FCER1A: variants seen among roughly 807,000 people sequenced by gnomAD.
FCER1A encodes high affinity immunoglobulin epsilon receptor subunit alpha.
Under a neutral mutation model 23.6 loss-of-function variants are expected in FCER1A, and 24 were observed. That is an observed-to-expected ratio of 1.02 (90% CI 0.74 to 1.43). The LOEUF (loss-of-function observed/expected upper bound fraction) is 1.43. Among genes scored for constraint, FCER1A ranks in the 40% most tolerant of loss-of-function variants. The pLI is 0.00. For synonymous variants in FCER1A, 121 were observed against 108.8 expected, an observed-to-expected ratio of 1.11 and a Z score of -0.70; for missense variants, 318 against 294.5, an observed-to-expected ratio of 1.08 and a Z score of -0.58.
intron 1 of FCER1A, among the ~76,000 whole-genome samples, chr1:159,295,354 T>C (rs1422299405): frequency 2.0e-5 from 3 of 152,108 alleles, no homozygotes; most frequent in Non-Finnish European, 4.4e-5. Flanking sequence ...CTAGATGCAG[T>C]TGTAAATTGC....
At chr1:159,299,686 G>A (rs1200483057), upstream of FCER1A, among the ~76,000 whole-genome samples, 1 of 152,082 alleles carries the variant, frequency 6.6e-6, no homozygotes, top group Non-Finnish European at 1.5e-5. Context: ...GTGAACGTGT[G>A]TTCCTGATGT....
At chr1:159,293,722 C>A (rs1652219925) in intron 1 of FCER1A, among the ~76,000 whole-genome samples, 1 of 151,956 alleles carries the variant, frequency 6.6e-6, no homozygotes, top group South Asian at 2.1e-4. Context: ...AGGACATGAA[C>A]TCATCACTTT....
upstream of FCER1A, among the ~76,000 whole-genome samples, chr1:159,286,397 G>A (rs745634027): frequency 3.8e-4 from 58 of 151,418 alleles, no homozygotes; most frequent in Non-Finnish European, 6.6e-4. Flanking sequence ...CAGTGGCGCA[G>A]TCTCGGCTCA....
chr1:159,285,119 G>T (rs1651983460), upstream of FCER1A, among the ~76,000 whole-genome samples: 1 of 152,106 alleles, frequency 6.6e-6, no homozygotes, highest in Non-Finnish European at 1.5e-5. Flanking sequence ...AGGGGAGATG[G>T]TCTTCTGTGT....
chr1:159,286,470 C>G (rs1260987140), upstream of FCER1A, among the ~76,000 whole-genome samples: 1 of 151,732 alleles, frequency 6.6e-6, no homozygotes, highest in Non-Finnish European at 1.5e-5. Flanking sequence ...GTAGCTGGGA[C>G]TACAGGCGCC....
chr1:159,307,406 C>T lies in FCER1A; in HGVS notation c.590-342C>T, dbSNP rs74453726. 5.7e-3 allele frequency among the ~76,000 whole-genome samples: 871 copies of T among 152,298 alleles called. 12 individuals are homozygous for T. Among genetic ancestry groups the T allele is most frequent in the African/African-American group, 0.02 (815 of 41,546 alleles). The stretch of plus-strand genomic sequence containing the variant: ...GTAATAGGCATTGATGACCCCTGTC[C>T]TCACTTTGTCCCCTTTCCACCCCTT... On this transcript the variant is annotated intron_variant, in intron 4 of 4. Transcript: ENST00000693622.
At chr1:159,305,777 G>A (rs565269796) in intron 3 of FCER1A, among the ~76,000 whole-genome samples, 2 of 152,276 alleles carry the variant, frequency 1.3e-5, no homozygotes, top group Admixed American at 6.5e-5. Flanking sequence ...GCCCCAGACT[G>A]ACTTTTCAGG....
chr1:159,307,989 T>C lies in FCER1A; in HGVS notation c.*57T>C, dbSNP rs185718654. Reference sequence around the variant, plus strand: ...GTTTTTTTCCAGCATCAGCAATTGCTACTCAATTGTCAAACACAGCTTGCA... The same window carrying C: ...GTTTTTTTCCAGCATCAGCAATTGCCACTCAATTGTCAAACACAGCTTGCA... On this transcript the variant is annotated 3_prime_UTR_variant, in exon 5 of 5. Transcript: ENST00000693622. 1,495 of 1,260,802 alleles carry C rather than the reference T, an allele frequency of 1.2e-3. 7 individuals carry two copies. The African/African-American group carries it at 0.019, about 16-fold the overall frequency. The allele number at this position is 1,260,802 out of a possible 1,614,324, so 78.1% of individuals were successfully genotyped here.
chr1:159,284,431 C>G, the FCER1A span, among the ~76,000 whole-genome samples: 1 of 152,216 alleles, frequency 6.6e-6, no homozygotes, highest in African/African-American at 2.4e-5. Context: ...CATACAGTCT[C>G]TGCACCCATG....
chr1:159,302,232 G>A (rs1652449135), upstream of FCER1A: 1 of 712,098 alleles, frequency 1.4e-6, no homozygotes, highest in South Asian at 1.7e-5. Flanking sequence ...AAAGAAAGAA[G>A]CAAAACCAGG....
upstream of FCER1A, among the ~76,000 whole-genome samples, chr1:159,301,282 T>A (rs1373324598): frequency 6.6e-6 from 1 of 152,198 alleles, no homozygotes; most frequent in East Asian, 1.9e-4. Flanking sequence ...CAAGCCACTA[T>A]AGACATTAAT....
intron 1 of FCER1A, among the ~76,000 whole-genome samples, chr1:159,295,409 T>C (rs890275186): frequency 6.6e-6 from 1 of 152,192 alleles, no homozygotes; most frequent in Non-Finnish European, 1.5e-5. Context: ...AGATGCAATT[T>C]TTGGTTATGA....
intron 1 of FCER1A, among the ~76,000 whole-genome samples, chr1:159,295,911 A>G (rs1571077502): frequency 1.3e-5 from 2 of 152,216 alleles, no homozygotes; most frequent in Admixed American, 1.3e-4. Flanking sequence ...ACTCCCAACA[A>G]TCAATAATAG....
chr1:159,296,277 T>G (rs554387442), intron 1 of FCER1A, among the ~76,000 whole-genome samples: 1 of 152,286 alleles, frequency 6.6e-6, no homozygotes, highest in African/African-American at 2.4e-5. Flanking sequence ...CTCTGCTACT[T>G]ACACACACAT....
Position 159,308,066 on chromosome 1 carries a change from C to A in FCER1A, c.*134C>A. The A allele has an allele frequency of 1.7e-6, 1 of 582,396 alleles. No individual in the cohort carries two copies. The highest frequency in any genetic ancestry group is 2.9e-6 in the Non-Finnish European group (1 of 345,446). The allele number at this position is 582,396 out of a possible 1,614,324, so 36.1% of individuals were successfully genotyped here. A position where few individuals can be genotyped will look rare whatever the true frequency, so the allele number is the denominator to read the frequency against. The stretch of plus-strand genomic sequence containing the variant: ...GGATTTATAGAAATGCTTCATTAAA[C>A]TGAGTGAAACTGGTTAAGTGGCATG... On this transcript the variant is annotated 3_prime_UTR_variant, in exon 5 of 5. Coordinates refer to ENST00000693622, the MANE Select transcript of FCER1A (RefSeq NM_001387280.1).
At chr1:159,301,603 G>T (rs1452766405), upstream of FCER1A, among the ~76,000 whole-genome samples, 1 of 152,156 alleles carries the variant, frequency 6.6e-6, no homozygotes, top group African/African-American at 2.4e-5. Flanking sequence ...TTCCAATTTC[G>T]CTGGTCAGAC....
intron 4 of FCER1A, among the ~76,000 whole-genome samples, chr1:159,306,687 A>G (rs1441140968): frequency 6.6e-6 from 1 of 152,168 alleles, no homozygotes; most frequent in Non-Finnish European, 1.5e-5. Flanking sequence ...GGGCTGGGAA[A>G]GGAAACCAGC....
At chr1:159,297,048 T>A (rs2494264) in intron 1 of FCER1A, among the ~76,000 whole-genome samples, 52,046 of 152,074 alleles carry the variant, frequency 0.34, 10,773 homozygotes, top group Non-Finnish European at 0.47. Flanking sequence ...GTTAACGGCC[T>A]AAAAGGATTC....
At chr1:159,303,675 T>C (rs1457085334) in intron 2 of FCER1A, among the ~76,000 whole-genome samples, 3 of 152,188 alleles carry the variant, frequency 2.0e-5, no homozygotes, top group African/African-American at 7.2e-5. Context: ...AATCACATAG[T>C]GAATTGGTTT....
Sources: gnomAD v4.1 joint callset for allele counts (sites outside exome capture counted in the v4.1 genomes callset) on GRCh38, gnomAD v4.1.1 for gene constraint, MANE v1.5 for transcripts, NCBI Gene and HGNC (gene_info 2026-07-23, HGNC 2026-07-21) for gene names.